The following ATP7B variants were observed in gnomAD, a reference collection of about 807,000 sequenced individuals.
The protein encoded by ATP7B is ATPase copper transporting beta.
A neutral mutation model predicts 118.9 loss-of-function variants in ATP7B; 113 were observed. The ratio of observed to expected loss-of-function variants is 0.95; its 90% confidence interval spans 0.82 to 1.11. The LOEUF (loss-of-function observed/expected upper bound fraction) is 1.11. Among genes scored for constraint, ATP7B ranks in the 50% most tolerant of loss-of-function variants. ATP7B has a pLI of 0.00. For missense variants in ATP7B, 1,867 were observed against 1,871.4 expected (o/e 1.00, Z 0.04); for synonymous variants, 777 against 727.4 (o/e 1.07, Z -1.10).
In ATP7B at chr13:51,942,540, C is replaced by G; in HGVS notation, c.3258G>C (p.Glu1086Asp). ...TKYCKEELGT[E>D]TLGYCTDFQA... ...GGAAGTCCGTGCAGTATCCCAAGGT[C>G]TCTGTTCCAAGTTCCTGGGAAGGTG... Residue 1086 changes from glutamate (E) to aspartate (D), a missense_variant, in exon 15 of 21, where the codon GAG becomes GAC. Physicochemically the swap from Glu to Asp is conservative, Grantham distance 45 (BLOSUM62 2). Coordinates refer to ENST00000242839, the MANE Select transcript of ATP7B (RefSeq NM_000053.4). 3.7e-6 allele frequency: 6 copies of G among 1,614,078 alleles called. No homozygotes were observed. The highest frequency in any genetic ancestry group is 5.1e-6 in the Non-Finnish European group (6 of 1,180,022).
chr13:51,945,137 C>G (rs758719797), intron 13 of ATP7B, among the ~76,000 whole-genome samples: 2 of 152,166 alleles, frequency 1.3e-5, no homozygotes, highest in Non-Finnish European at 2.9e-5. Context: ...CAGCTTTCAG[C>G]GCAACCTTAA....
chr13:51,952,790 G>A (rs1287377590), intron 9 of ATP7B, among the ~76,000 whole-genome samples: 1 of 152,182 alleles, frequency 6.6e-6, no homozygotes, highest in African/African-American at 2.4e-5. Context: ...CTGTGATTAC[G>A]TGAGATGCTT....
Position 51,934,054 on chromosome 13 carries a change from G to A in ATP7B, c.*702C>T, listed in dbSNP as rs1956829164. 1 of 153,834 alleles carries A rather than the reference G, an allele frequency of 6.5e-6. No homozygotes were observed. The highest frequency in any genetic ancestry group is 1.4e-5 in the Non-Finnish European group (1 of 69,186). 9.5% of individuals were successfully genotyped at this position (153,834 alleles called of 1,614,324 possible). A position where few individuals can be genotyped will look rare whatever the true frequency, so the allele number is the denominator to read the frequency against. On this transcript the variant is annotated 3_prime_UTR_variant, in exon 21 of 21. Coordinates refer to ENST00000242839, the MANE Select transcript of ATP7B (RefSeq NM_000053.4). ...CTCAACTTGAAGAAGAGTGTGGCAA[G>A]CTCCCTGGCTGGGGATGTGTGAGCC...
At chr13:51,954,515 G>A (rs1384572068) in intron 9 of ATP7B, among the ~76,000 whole-genome samples, 1 of 152,248 alleles carries the variant, frequency 6.6e-6, no homozygotes, top group Non-Finnish European at 1.5e-5. Context: ...GACAGCTGCG[G>A]TGTTTTAGGG....
At chr13:51,945,965 C>A (rs906673935) in intron 13 of ATP7B, among the ~76,000 whole-genome samples, 1 of 152,202 alleles carries the variant, frequency 6.6e-6, no homozygotes, top group African/African-American at 2.4e-5. Flanking sequence ...AGCTCTGCCT[C>A]TGGTTAGCTG....
intron 4 of ATP7B, 136 bp from the exon 5 acceptor site, chr13:51,965,169 C>T: frequency 9.7e-7 from 1 of 1,031,544 alleles, no homozygotes; most frequent in Non-Finnish European, 1.4e-6. Context: ...CTGGACTCCA[C>T]CTCCAAACCC....
At position 52,008,298 on chromosome 13, in the gene ATP7B, C is replaced by T. The variant is rs189637470; in HGVS notation, c.51+2989G>A. The stretch of plus-strand genomic sequence containing the variant: ...CAGGTTGCAGTGAACCGAGATCCCG[C>T]CACTGCACTCCAGCCTAGCAACAGA... On this transcript the variant is annotated intron_variant, in intron 1 of 20. Transcript: ENST00000242839. Among the ~76,000 whole-genome samples the T allele has an allele frequency of 1.5e-3, 226 of 152,326 alleles. 1 individual carries two copies. The highest frequency in any genetic ancestry group is 5.2e-3 in the African/African-American group (215 of 41,564).
At chr13:52,010,927 C>T (rs1953997090) in intron 1 of ATP7B, among the ~76,000 whole-genome samples, 1 of 152,204 alleles carries the variant, frequency 6.6e-6, no homozygotes, top group Non-Finnish European at 1.5e-5. Flanking sequence ...CCTCGATATA[C>T]CATATCTGGT....
intron 1 of ATP7B, among the ~76,000 whole-genome samples, chr13:51,987,240 T>C (rs1952699585): frequency 6.6e-6 from 1 of 152,208 alleles, no homozygotes; most frequent in Non-Finnish European, 1.5e-5. Context: ...ACAAAATCAA[T>C]GTGCAAAAAT....
chr13:51,952,297 GA>G (rs2139312301), intron 9 of ATP7B, among the ~76,000 whole-genome samples: 1 of 152,334 alleles, frequency 6.6e-6, no homozygotes, highest in South Asian at 2.1e-4. Context: ...GGGCCCAACA[GA>G]ATTAATTGTA....
intron 1 of ATP7B, among the ~76,000 whole-genome samples, chr13:52,003,372 C>A (rs555512359): frequency 6.6e-6 from 1 of 152,232 alleles, no homozygotes; most frequent in South Asian, 2.1e-4. Flanking sequence ...GAGACATGAA[C>A]TGCTGGAGTC....
chr13:51,987,722 C>T (rs1367520704), intron 1 of ATP7B, among the ~76,000 whole-genome samples: 1 of 152,134 alleles, frequency 6.6e-6, no homozygotes, highest in Non-Finnish European at 1.5e-5. Flanking sequence ...GAGATATAGA[C>T]CAATGGAACA....
intron 9 of ATP7B, among the ~76,000 whole-genome samples, chr13:51,954,245 G>A (rs1958195871): frequency 6.6e-6 from 1 of 152,230 alleles, no homozygotes; most frequent in South Asian, 2.1e-4. Flanking sequence ...CAGTGGTGCA[G>A]GGCAGCTGGA....
At chr13:51,950,688 A>G (rs937238556) in intron 9 of ATP7B, among the ~76,000 whole-genome samples, 4 of 152,138 alleles carry the variant, frequency 2.6e-5, no homozygotes, top group South Asian at 2.1e-4. Flanking sequence ...TTAAATATTA[A>G]TAAGTGCTGT....
At position 51,975,109 on chromosome 13, in the gene ATP7B, A is replaced by T. The variant is rs748698125; in HGVS notation, c.111T>A (p.Phe37Leu). The change falls in exon 2 of 21, where the codon TTT becomes TTA. Residue 37 changes from phenylalanine (F) to leucine (L), a missense_variant. By Grantham distance (22) the Phe-to-Leu change is conservative (BLOSUM62 0). Transcript: ENST00000242839. ...RAWEPAMKKS[F>L]AFDNVGYEGG... Reference sequence around the variant, plus strand: ...CTTCATAGCCAACATTGTCAAAAGCAAAACTCTTCTTCATTGCTGGTTCCC... The same window carrying T: ...CTTCATAGCCAACATTGTCAAAAGCTAAACTCTTCTTCATTGCTGGTTCCC... 85 of 1,614,158 alleles carry T rather than the reference A, an allele frequency of 5.3e-5. No individual in the cohort carries two copies. The highest frequency in any genetic ancestry group is 6.7e-5 in the Non-Finnish European group (79 of 1,180,056).
chr13:51,945,518 C>T (rs984573676), intron 13 of ATP7B, among the ~76,000 whole-genome samples: 3 of 152,186 alleles, frequency 2.0e-5, no homozygotes, highest in South Asian at 2.1e-4. Context: ...GATGAACGTT[C>T]GTATTCGCTT....
rs114477599 is a variant in ATP7B, at chr13:51,939,874, A to G, written c.3557-681T>C. On this transcript the variant is annotated intron_variant, in intron 16 of 20. Transcript: ENST00000242839. ...CTGGAGCATTCAAAAGGTGTCATGT[A>G]TTTTATTTCTTGCTTGCATATACTG... 3.6e-3 allele frequency among the ~76,000 whole-genome samples: 548 copies of G among 152,148 alleles called. 3 individuals carry two copies. The highest frequency in any genetic ancestry group is 0.013 in the African/African-American group (534 of 41,510).
intron 1 of ATP7B, among the ~76,000 whole-genome samples, chr13:52,006,014 C>G (rs1395895765): frequency 6.6e-6 from 1 of 152,256 alleles, no homozygotes; most frequent in Non-Finnish European, 1.5e-5. Flanking sequence ...CCTTAAACCA[C>G]AAACAGCATG....
chr13:51,975,366 A>C, intron 1 of ATP7B, 198 bp from the exon 2 acceptor site: 1 of 780,562 alleles, frequency 1.3e-6, no homozygotes, highest in Non-Finnish European at 2.3e-6. Flanking sequence ...TTCTTCTCTG[A>C]CAGAAGCTAA....
Sources: allele counts gnomAD v4.1 joint callset (sites outside exome capture counted in the v4.1 genomes callset), GRCh38; gene constraint gnomAD v4.1.1; transcripts MANE v1.5; gene names NCBI Gene and HGNC (gene_info 2026-07-23, HGNC 2026-07-21).